Variants in ZAP70 observed in about 807,000 individuals in gnomAD.
The protein encoded by ZAP70 is zeta chain of T cell receptor associated protein kinase 70, also known as tyrosine-protein kinase ZAP-70.
In ZAP70, 27 loss-of-function variants were observed where a neutral mutation model predicts 65.8. The observed-to-expected ratio is 0.41, with a 90% CI of 0.30 to 0.57. ZAP70 has a LOEUF of 0.57. Among genes scored for constraint, ZAP70 ranks in the 20% least tolerant of loss-of-function variants. The pLI is 0.28. For synonymous variants in ZAP70, 363 were observed against 360.8 expected (o/e 1.01, Z -0.07); for missense variants, 696 against 870.5 (o/e 0.80, Z 2.52).
chr2:97,747,818 T>G, the ZAP70 span, among the ~76,000 whole-genome samples: 328 of 105,946 alleles, frequency 3.1e-3, 7 homozygotes, highest in African/African-American at 0.013. Flanking sequence ...GCACGAGGTT[T>G]TTTTTTTTTT....
At chr2:97,724,549 C>T (rs1192574293) in intron 3 of ZAP70, 111 bp downstream of exon 3, 37 of 1,532,554 alleles carry the variant, frequency 2.4e-5, no homozygotes, top group Non-Finnish European at 2.8e-5. Flanking sequence ...CATTCAGTCC[C>T]CTTTGGAAGC....
Position 97,735,322 on chromosome 2 carries a change from C to G in ZAP70, c.1155C>G (p.Arg385=), listed in dbSNP as rs193922633. Residue 385 remains arginine, a synonymous_variant, in exon 10 of 14, where the codon CGC becomes CGG. Transcript: ENST00000264972. ...TEKADTEEMM[R]EAQIMHQLDN... ...AGGCAGACACGGAAGAGATGATGCGCGAGGCGCAGATCATGCACCAGCTGG... is the reference window on the plus strand; with the variant it reads ...AGGCAGACACGGAAGAGATGATGCGGGAGGCGCAGATCATGCACCAGCTGG... 6.2e-7 allele frequency: 1 copy of G among 1,614,142 alleles called. No homozygotes were observed. The highest frequency in any genetic ancestry group is 1.1e-5 in the South Asian group (1 of 91,090).
intron 2 of ZAP70, among the ~76,000 whole-genome samples, chr2:97,720,599 G>A (rs559770296): frequency 6.6e-5 from 10 of 152,264 alleles, no homozygotes; most frequent in East Asian, 3.9e-4. Flanking sequence ...TGATCCACCC[G>A]CCTTGATCTC....
chr2:97,734,906 C>T, intron 9 of ZAP70, 194 bp downstream of exon 9: 1 of 779,462 alleles, frequency 1.3e-6, no homozygotes, highest in Non-Finnish European at 2.0e-6. Context: ...GGGATGGGGC[C>T]TGGGCAGGGG....
chr2:97,751,749 G>A, the ZAP70 span, among the ~76,000 whole-genome samples: 4 of 152,192 alleles, frequency 2.6e-5, no homozygotes, highest in Admixed American at 2.6e-4. Flanking sequence ...GCCTTGGGCT[G>A]GGTGCACTCC....
chr2:97,724,510 GA>G, intron 3 of ZAP70, 72 bp downstream of exon 3: 2 of 1,514,448 alleles, frequency 1.3e-6, no homozygotes, highest in Non-Finnish European at 1.8e-6. Context: ...GTTTTGGGGG[GA>G]TAGGAGGGAG....
Position 97,737,732 on chromosome 2 carries a change from T to A in ZAP70, c.1483-25T>A. The A allele has an allele frequency of 6.2e-7, 1 of 1,614,000 alleles. No homozygotes were observed. The highest frequency in any genetic ancestry group is 2.2e-5 in the East Asian group (1 of 44,876). On this transcript the variant is annotated intron_variant, in intron 11 of 13. Coordinates refer to ENST00000264972, the MANE Select transcript of ZAP70 (RefSeq NM_001079.4). The surrounding 1 kb of genome is among the most constrained non-coding windows in gnomAD (Gnocchi z 5.0). ...TGGGTAGAGGGTCCCTGACCCCTGATCCAGCAGCATCTCCCCCTCCCCAGG... is the reference window on the plus strand; with the variant it reads ...TGGGTAGAGGGTCCCTGACCCCTGAACCAGCAGCATCTCCCCCTCCCCAGG...
intron 3 of ZAP70, 124 bp downstream of exon 3, chr2:97,724,562 G>T (rs929429105): frequency 3.9e-6 from 6 of 1,533,464 alleles, no homozygotes; most frequent in Non-Finnish European, 5.2e-6. Flanking sequence ...TTGGAAGCTG[G>T]AGAGGTGGGG....
intron 13 of ZAP70, among the ~76,000 whole-genome samples, chr2:97,738,938 A>G (rs1678024956): frequency 6.6e-6 from 1 of 152,076 alleles, no homozygotes; most frequent in African/African-American, 2.4e-5. Context: ...GGCCAGACCC[A>G]CTGCCATGCT....
rs1185408192 is a variant in ZAP70, at chr2:97,733,222, G to C, written c.790+10G>C. Reference sequence around the variant, plus strand: ...GCCAGCAACGCCTCAGGTGACGGCAGCAGGCGGGCGGGCGGTGGGCGGGGG... The same window carrying C: ...GCCAGCAACGCCTCAGGTGACGGCACCAGGCGGGCGGGCGGTGGGCGGGGG... On this transcript the variant is annotated intron_variant, in intron 6 of 13. Transcript: ENST00000264972. 1.2e-6 allele frequency: 2 copies of C among 1,612,200 alleles called. No individual in the cohort carries two copies. The highest frequency in any genetic ancestry group is 1.7e-6 in the Non-Finnish European group (2 of 1,179,220).
rs200422301 is a variant in ZAP70 at position 97,729,722 on chromosome 2, AT to A, written c.564-3146del. Among the ~76,000 whole-genome samples the A allele has an allele frequency of 5.1e-3, 719 of 141,880 alleles. 1 individual carries two copies. The highest frequency in any genetic ancestry group is 7.1e-3 in the Middle Eastern group (2 of 282). The allele number at this position is 141,880 out of a possible 152,430, so 93.1% of individuals were successfully genotyped here. A position where few individuals can be genotyped will look rare whatever the true frequency, so the allele number is the denominator to read the frequency against. On this transcript the variant is annotated intron_variant, in intron 4 of 13. Transcript: ENST00000264972. Reference sequence around the variant, plus strand: ...GAACAAAGAACTGCCACTACCTAGCATTTTTTTTTTTTTTTGTAAATCAAGT... The same window carrying A: ...GAACAAAGAACTGCCACTACCTAGCATTTTTTTTTTTTTTGTAAATCAAGT...
At chr2:97,717,484 G>A (rs1676982708) in intron 2 of ZAP70, among the ~76,000 whole-genome samples, 1 of 148,910 alleles carries the variant, frequency 6.7e-6, no homozygotes, top group Admixed American at 6.6e-5. Context: ...CTCTGGCTGG[G>A]GGGACACGTG....
chr2:97,737,569 G>A lies in ZAP70; in HGVS notation c.1386G>A (p.Leu462=), dbSNP rs763747511. The change falls in exon 11 of 14, where the codon CTG becomes CTA. Residue 462 remains leucine (L), a synonymous_variant. Transcript: ENST00000264972. This position sits in a 1 kb window ranked among gnomAD's most constrained non-coding sequence, Gnocchi z 5.0. ...AGAAGAACTTTGTGCACCGTGACCT[G>A]GCGGCCCGCAACGTCCTGCTGGTTA... The part of the protein sequence containing the change: ...LEEKNFVHRD[L]AARNVLLVNR... The A allele has an allele frequency of 6.2e-7, 1 of 1,614,120 alleles. No homozygotes were observed. Among genetic ancestry groups the A allele is most frequent in the Non-Finnish European group, 8.5e-7 (1 of 1,179,988 alleles).
At chr2:97,734,777 G>T (rs1227053100) in intron 9 of ZAP70, 65 bp downstream of exon 9, 9 of 1,592,656 alleles carry the variant, frequency 5.7e-6, no homozygotes, top group Non-Finnish European at 7.7e-6. Context: ...GCTTCACCGG[G>T]CTGTGGGACG....
the ZAP70 span, among the ~76,000 whole-genome samples, chr2:97,755,333 C>T: frequency 1.3e-5 from 2 of 152,164 alleles, no homozygotes; most frequent in East Asian, 3.9e-4. Context: ...TACTACTGCA[C>T]CTTACAGGCT....
the ZAP70 span, among the ~76,000 whole-genome samples, chr2:97,746,372 G>A: frequency 6.6e-6 from 1 of 152,022 alleles, no homozygotes; most frequent in Non-Finnish European, 1.5e-5. Flanking sequence ...ACCCACCACC[G>A]CCACAAAATA....
At position 97,739,642 on chromosome 2, in the gene ZAP70, C is replaced by CAGGCAGGCA; in HGVS notation, c.*144_*145insAGGCAGGCA. On this transcript the variant is annotated 3_prime_UTR_variant, in exon 14 of 14. Coordinates refer to ENST00000264972, the MANE Select transcript of ZAP70 (RefSeq NM_001079.4). ...AGGGGGTGTCTCAGGCCACACCGGCCTTGCATTGCCTGCCTGGCCCCCTGT... is the reference window on the plus strand; with the variant it reads ...AGGGGGTGTCTCAGGCCACACCGGCCAGGCAGGCATTGCATTGCCTGCCTGGCCCCCTGT... 2 of 1,274,330 alleles carry CAGGCAGGCA rather than the reference C, an allele frequency of 1.6e-6. No homozygotes were observed. The highest frequency in any genetic ancestry group is 2.1e-6 in the Non-Finnish European group (2 of 931,938). 78.9% of individuals were successfully genotyped at this position (1,274,330 alleles called of 1,614,324 possible). A position where few individuals can be genotyped will look rare whatever the true frequency, so the allele number is the denominator to read the frequency against.
At chr2:97,738,650 A>C (rs1441173385) in intron 13 of ZAP70, 1 of 203,146 alleles carries the variant, frequency 4.9e-6, no homozygotes, top group Non-Finnish European at 1.0e-5. Context: ...CCCCCAGACA[A>C]GCGGACGCCC....
rs1460945369 is a variant in ZAP70, at chr2:97,737,175, A to G, written c.1290-298A>G. Among the ~76,000 whole-genome samples, 5 of 152,112 alleles carry G rather than the reference A, an allele frequency of 3.3e-5. No homozygotes were observed. The highest frequency in any genetic ancestry group is 1.2e-4 in the African/African-American group (5 of 41,404). On this transcript the variant is annotated intron_variant, in intron 10 of 13. Coordinates refer to ENST00000264972, the MANE Select transcript of ZAP70 (RefSeq NM_001079.4). The surrounding 1 kb of genome is among the most constrained non-coding windows in gnomAD (Gnocchi z 5.0). ...GGGATGGGGACAATCAGGCCACATT[A>G]TCTTTGAGATGCCTGTGAGACCTCA...
Sources: allele counts gnomAD v4.1 joint callset (sites outside exome capture counted in the v4.1 genomes callset), GRCh38; gene constraint gnomAD v4.1.1; non-coding constraint Gnocchi (gnomAD v3.1); transcripts MANE v1.5; gene names NCBI Gene and HGNC (gene_info 2026-07-23, HGNC 2026-07-21).